Variants in SLC5A8 observed in about 807,000 individuals in gnomAD.
SLC5A8 encodes the protein sodium-coupled monocarboxylate transporter 1.
In SLC5A8, 55 loss-of-function variants were observed where a neutral mutation model predicts 71.9. That is an observed-to-expected ratio of 0.77 (90% CI 0.62 to 0.96). The LOEUF (loss-of-function observed/expected upper bound fraction) is 0.96, where lower values mean the gene tolerates loss of function less well. Among genes scored for constraint, SLC5A8 ranks in the 40% least tolerant of loss-of-function variants. The probability of loss-of-function intolerance (pLI) is 0.00; values close to 1 mark genes in which losing one functional copy is unlikely to be tolerated. For missense variants in SLC5A8, 701 were observed against 745.3 expected (o/e 0.94, Z 0.69); for synonymous variants, 307 against 276.1 (o/e 1.11, Z -1.11).
chr12:101,177,879 G>T (rs1322774551), intron 10 of SLC5A8, among the ~76,000 whole-genome samples: 1 of 152,094 alleles, frequency 6.6e-6, no homozygotes, highest in East Asian at 1.9e-4. Context: ...GGAAGTTGAA[G>T]CCAGTGCAAT....
chr12:101,168,149 G>A lies in SLC5A8; in HGVS notation c.1267C>T (p.Pro423Ser), dbSNP rs1316894521. 6.2e-7 allele frequency: 1 copy of A among 1,609,788 alleles called. No individual in the cohort carries two copies. Among genetic ancestry groups the A allele is most frequent in the African/African-American group, 1.3e-5 (1 of 74,876 alleles). ...CCCAAAGCGAACAGGCCCATAAGTG[G>A]TCCACCAACCATACCAAATACGCTG... ...ALSVFGMVGG[P>S]LMGLFALGIL... is the part of the protein sequence containing the mutation. The change falls in exon 11 of 15, where the codon CCA (proline) becomes TCA (serine). Residue 423 changes from proline (P) to serine (S), a missense_variant. Transcript: ENST00000536262.
chr12:101,202,749 A>G (rs2137169480), intron 2 of SLC5A8, among the ~76,000 whole-genome samples: 1 of 152,280 alleles, frequency 6.6e-6, no homozygotes, highest in Middle Eastern at 3.4e-3. Context: ...AATCTTTTTA[A>G]TATTATTCAT....
At chr12:101,171,685 G>A (rs1341095467) in intron 10 of SLC5A8, among the ~76,000 whole-genome samples, 3 of 152,178 alleles carry the variant, frequency 2.0e-5, no homozygotes, top group Non-Finnish European at 4.4e-5. Flanking sequence ...GACAGGTAGC[G>A]ACCAAGTCTG....
intron 9 of SLC5A8, among the ~76,000 whole-genome samples, 177 bp downstream of exon 9, chr12:101,182,626 A>T (rs991948624): frequency 6.6e-6 from 1 of 152,258 alleles, no homozygotes; most frequent in Non-Finnish European, 1.5e-5. Flanking sequence ...CAGATATGGT[A>T]ACATTAAACA....
chr12:101,185,892 G>C (rs934140121), intron 7 of SLC5A8, among the ~76,000 whole-genome samples: 1 of 152,098 alleles, frequency 6.6e-6, no homozygotes, highest in Non-Finnish European at 1.5e-5. Context: ...ATAAGGTTTT[G>C]ACACGATCTT....
intron 8 of SLC5A8, among the ~76,000 whole-genome samples, chr12:101,183,595 G>A (rs1868467176): frequency 6.6e-6 from 1 of 152,038 alleles, no homozygotes; most frequent in African/African-American, 2.4e-5. Context: ...TCCCTACCAT[G>A]TGCTGTAAAT....
intron 13 of SLC5A8, among the ~76,000 whole-genome samples, chr12:101,161,421 T>C (rs536776344): frequency 6.6e-6 from 1 of 152,304 alleles, no homozygotes; most frequent in South Asian, 2.1e-4. Flanking sequence ...GCAATTTATA[T>C]ACTATGTGTA....
At chr12:101,174,037 G>T (rs1278738365) in intron 10 of SLC5A8, among the ~76,000 whole-genome samples, 1 of 152,168 alleles carries the variant, frequency 6.6e-6, no homozygotes, top group Admixed American at 6.5e-5. Flanking sequence ...GACAAAGTAT[G>T]TAGAAGGCAG....
chr12:101,171,780 G>A (rs145709189), intron 10 of SLC5A8, among the ~76,000 whole-genome samples: 4 of 152,342 alleles, frequency 2.6e-5, no homozygotes, highest in Admixed American at 1.3e-4. Context: ...TGGCCAAAAT[G>A]TGGTGGAGGC....
At chr12:101,177,467 A>G (rs2051890675) in intron 10 of SLC5A8, among the ~76,000 whole-genome samples, 1 of 151,666 alleles carries the variant, frequency 6.6e-6, no homozygotes, top group African/African-American at 2.4e-5. Context: ...ACACACACAC[A>G]CACACACACA....
chr12:101,176,972 A>G (rs113884127), intron 10 of SLC5A8, among the ~76,000 whole-genome samples: 1,658 of 152,204 alleles, frequency 0.011, 17 homozygotes, highest in South Asian at 0.029. Flanking sequence ...AGAAAAATCA[A>G]TGAAAAAAAG....
intron 5 of SLC5A8, among the ~76,000 whole-genome samples, chr12:101,191,490 T>G (rs906672512): frequency 6.6e-6 from 1 of 152,212 alleles, no homozygotes; most frequent in Non-Finnish European, 1.5e-5. Flanking sequence ...GAGCCTCTAT[T>G]TCATGTCTAA....
Position 101,209,627 on chromosome 12 carries a change from G to A in SLC5A8, c.222C>T (p.Thr74=), listed in dbSNP as rs1438167868. 1.9e-6 allele frequency: 3 copies of A among 1,613,928 alleles called. No homozygotes were observed. The highest frequency in any genetic ancestry group is 3.3e-5 in the Admixed American group (2 of 60,016). The change falls in exon 1 of 15, where the codon ACC becomes ACT. Residue 74 remains threonine (T), a synonymous_variant. Transcript: ENST00000536262. ...SFMSAVTVLG[T]PSEVYRFGAI... Reference sequence around the variant, plus strand: ...CCCCAAAACGGTAGACCTCGGAGGGGGTGCCCAGGACAGTGACGGCTGACA... The same window carrying A: ...CCCCAAAACGGTAGACCTCGGAGGGAGTGCCCAGGACAGTGACGGCTGACA...
At chr12:101,187,295 T>C in intron 7 of SLC5A8, 91 bp downstream of exon 7, 1 of 1,380,742 alleles carries the variant, frequency 7.2e-7, no homozygotes, top group Non-Finnish European at 9.6e-7. Flanking sequence ...CACTTTCCGT[T>C]TCTCTACAAG....
intron 5 of SLC5A8, among the ~76,000 whole-genome samples, chr12:101,191,496 T>C (rs1052588167): frequency 1.3e-5 from 2 of 152,214 alleles, no homozygotes; most frequent in East Asian, 3.8e-4. Flanking sequence ...CTATTTCATG[T>C]CTAACATTTC....
In SLC5A8 at chr12:101,180,016, G is replaced by C. The variant is rs377613807; in HGVS notation, c.1233+13C>G. On this transcript the variant is annotated intron_variant, in intron 10 of 14. Transcript: ENST00000536262. The stretch of plus-strand genomic sequence containing the variant: ...GTGATTTATGACTTAAACCTCCAGG[G>C]GCCAGCTCTCACCTGCAACAAAGCT... 1 of 1,613,650 alleles carries C rather than the reference G, an allele frequency of 6.2e-7. No individual in the cohort carries two copies. Among genetic ancestry groups the C allele is most frequent in the African/African-American group, 1.3e-5 (1 of 74,876 alleles).
At chr12:101,208,515 C>T (rs1869771721) in intron 1 of SLC5A8, among the ~76,000 whole-genome samples, 1 of 152,148 alleles carries the variant, frequency 6.6e-6, no homozygotes, top group African/African-American at 2.4e-5. Context: ...CCCGCCACTC[C>T]CCTGAGCTTT....
chr12:101,173,770 A>C (rs1459538158), intron 10 of SLC5A8, among the ~76,000 whole-genome samples: 2 of 152,242 alleles, frequency 1.3e-5, no homozygotes, highest in Middle Eastern at 3.2e-3. Flanking sequence ...AACAGCACAT[A>C]ACCCTTCAGC....
Position 101,168,077 on chromosome 12 carries a change from A to G in SLC5A8, c.1320+19T>C, listed in dbSNP as rs2051789991. 4 of 1,593,910 alleles carry G rather than the reference A, an allele frequency of 2.5e-6. No individual in the cohort carries two copies. The highest frequency in any genetic ancestry group is 1.1e-5 in the South Asian group (1 of 87,914). On this transcript the variant is annotated intron_variant, in intron 11 of 14. Coordinates refer to ENST00000536262, the MANE Select transcript of SLC5A8 (RefSeq NM_145913.5). ...AGTTCAAAAAGTAATCCTCAAGCAT[A>G]TTCATTCTTTGTACTTACAATTGAG... is the stretch of plus-strand genomic sequence containing the variant.
Sources: allele counts gnomAD v4.1 joint callset (sites outside exome capture counted in the v4.1 genomes callset), GRCh38; gene constraint gnomAD v4.1.1; transcripts MANE v1.5; gene names NCBI Gene and HGNC (gene_info 2026-07-23, HGNC 2026-07-21).